Variants in TAFA5 observed in about 807,000 individuals in gnomAD.
TAFA5 encodes the protein TAFA chemokine like family member 5.
In TAFA5, 6 loss-of-function variants were observed where a neutral mutation model predicts 15.3. The ratio of observed to expected loss-of-function variants is 0.39; its 90% confidence interval spans 0.21 to 0.77. TAFA5 has a LOEUF of 0.77. Ranked by LOEUF, TAFA5 falls within the 30% of genes least tolerant of loss-of-function variation. The pLI is 0.41. For missense variants in TAFA5, 161 were observed against 193.1 expected (o/e 0.83, Z 0.98); for synonymous variants, 103 against 80.7 (o/e 1.28, Z -1.48).
chr22:48,669,120 G>A (rs879397084), intron 2 of TAFA5, among the ~76,000 whole-genome samples: 2 of 152,200 alleles, frequency 1.3e-5, no homozygotes, highest in Non-Finnish European at 2.9e-5. Flanking sequence ...CTGTGAACCA[G>A]GAAGCCCCCG....
intron 1 of TAFA5, among the ~76,000 whole-genome samples, chr22:48,575,292 C>T (rs1163755136): frequency 6.6e-6 from 1 of 151,498 alleles, no homozygotes; most frequent in Non-Finnish European, 1.5e-5. Flanking sequence ...CCCCACCTGA[C>T]CCGCCGGCGC....
chr22:48,667,795 GA>G (rs1157621966), intron 2 of TAFA5, among the ~76,000 whole-genome samples: 4 of 70,374 alleles, frequency 5.7e-5, no homozygotes, highest in African/African-American at 2.4e-4. Context: ...CAGCACTCAG[GA>G]CCGCGTCTTC....
chr22:48,706,304 T>TTCGGAACAGTGAGGACCCCGAGGAAC (rs1385300116), intron 2 of TAFA5, among the ~76,000 whole-genome samples: 1 of 152,192 alleles, frequency 6.6e-6, no homozygotes, highest in Non-Finnish European at 1.5e-5. Flanking sequence ...CAAGCCTCTA[T>TTCGGAACAGTGAGGACCCCGAGGAAC]TCGGAACAGT....
intron 1 of TAFA5, among the ~76,000 whole-genome samples, chr22:48,568,756 C>T (rs959825566): frequency 2.6e-5 from 4 of 152,200 alleles, no homozygotes; most frequent in Non-Finnish European, 5.9e-5. Flanking sequence ...CCACGAAGCC[C>T]ATTGCTTTTT....
chr22:48,530,253 G>A lies in TAFA5; in HGVS notation c.112+40549G>A, dbSNP rs1018722464. Among the ~76,000 whole-genome samples, 22 of 150,938 alleles carry A rather than the reference G, an allele frequency of 1.5e-4. No homozygotes were observed. Among genetic ancestry groups the A allele is most frequent in the African/African-American group, 4.8e-4 (20 of 41,330 alleles). On this transcript the variant is annotated intron_variant, in intron 1 of 3. Coordinates refer to ENST00000402357, the MANE Select transcript of TAFA5 (RefSeq NM_001082967.3). This position sits in a 1 kb window ranked among gnomAD's most constrained non-coding sequence, Gnocchi z 6.0. The stretch of plus-strand genomic sequence containing the variant: ...CCTCTGCTCCCCTCCTGTGACATCC[G>A]AGCATGGTCGTCTGACAAATGGGGC...
At chr22:48,559,334 A>G (rs1374005625) in intron 1 of TAFA5, among the ~76,000 whole-genome samples, 4 of 152,184 alleles carry the variant, frequency 2.6e-5, no homozygotes, top group Non-Finnish European at 5.9e-5. Context: ...CTGAGCCCTC[A>G]GCCATCACTG....
chr22:48,697,706 A>G (rs1406621229), intron 2 of TAFA5, among the ~76,000 whole-genome samples: 1 of 151,448 alleles, frequency 6.6e-6, no homozygotes, highest in Non-Finnish European at 1.5e-5. Flanking sequence ...ACAATTGATG[A>G]TGATGTTGGT....
At chr22:48,629,637 C>T (rs1172036912) in intron 1 of TAFA5, among the ~76,000 whole-genome samples, 9 of 152,330 alleles carry the variant, frequency 5.9e-5, no homozygotes, top group Middle Eastern at 3.4e-3. Flanking sequence ...GGTTTTGCCC[C>T]TCAGGGGACA....
intron 1 of TAFA5, among the ~76,000 whole-genome samples, chr22:48,582,688 C>T (rs1924112510): frequency 1.4e-5 from 2 of 145,522 alleles, no homozygotes; most frequent in Non-Finnish European, 3.0e-5. Context: ...ACGAAATACA[C>T]CACACACCAC....
At chr22:48,614,731 C>T (rs769386816) in intron 1 of TAFA5, among the ~76,000 whole-genome samples, 2 of 152,240 alleles carry the variant, frequency 1.3e-5, no homozygotes, top group Non-Finnish European at 2.9e-5. Flanking sequence ...CAAGCAAGTA[C>T]TGCCAGGGTG....
chr22:48,555,390 G>A (rs1038850523), intron 1 of TAFA5, among the ~76,000 whole-genome samples: 1 of 152,196 alleles, frequency 6.6e-6, no homozygotes, highest in African/African-American at 2.4e-5. Context: ...TGCTCAGACC[G>A]TGTCCTGCGA....
intron 1 of TAFA5, among the ~76,000 whole-genome samples, chr22:48,507,961 G>C (rs947690845): frequency 7.9e-5 from 12 of 152,176 alleles, no homozygotes; most frequent in Admixed American, 5.9e-4. Flanking sequence ...CCTCATCTGT[G>C]CAGTGGGGAG....
At chr22:48,694,812 ACCCGCCGCCGCTCCGACCTCCG>A (rs1928656267) in intron 2 of TAFA5, among the ~76,000 whole-genome samples, 3 of 31,516 alleles carry the variant, frequency 9.5e-5, no homozygotes, top group South Asian at 1.6e-3. Flanking sequence ...CTCCGCCCCC[ACCCGCCGCCGCTCCGACCTCCG>A]CCCCCACCCC....
chr22:48,745,429 G>A (rs1469021108), intron 3 of TAFA5, among the ~76,000 whole-genome samples: 1 of 148,796 alleles, frequency 6.7e-6, no homozygotes, highest in East Asian at 2.0e-4. Flanking sequence ...TCGGCGGCTG[G>A]CCTGCCCGGG....
intron 2 of TAFA5, among the ~76,000 whole-genome samples, chr22:48,648,235 G>A (rs1262946717): frequency 3.3e-5 from 5 of 152,182 alleles, no homozygotes; most frequent in Non-Finnish European, 7.4e-5. Context: ...CCCCATGGAT[G>A]GCAGGCCCCT....
intron 1 of TAFA5, among the ~76,000 whole-genome samples, chr22:48,562,587 G>T (rs1923274713): frequency 2.0e-5 from 3 of 152,128 alleles, no homozygotes; most frequent in South Asian, 4.1e-4. Flanking sequence ...AGGGAGGGAG[G>T]GGGGGAATTT....
chr22:48,538,600 C>T (rs1187262860), intron 1 of TAFA5, among the ~76,000 whole-genome samples: 1 of 152,222 alleles, frequency 6.6e-6, no homozygotes, highest in Admixed American at 6.5e-5. Context: ...TGTGCCTGCT[C>T]ATGGGTCTGC....
At chr22:48,587,335 C>T (rs916525415) in intron 1 of TAFA5, among the ~76,000 whole-genome samples, 3 of 152,180 alleles carry the variant, frequency 2.0e-5, no homozygotes, top group Non-Finnish European at 4.4e-5. Flanking sequence ...ACTTGCCCTT[C>T]TTTGCAGCTT....
chr22:48,633,539 C>CTCTCTCTCTCTCTCTCTCT lies in TAFA5; in HGVS notation c.113-13058_113-13057insTCTCTCTCTCTCTCTCTCT, dbSNP rs1569056626. 6.1e-4 allele frequency among the ~76,000 whole-genome samples: 79 copies of CTCTCTCTCTCTCTCTCTCT among 128,800 alleles called. 4 individuals are homozygous for CTCTCTCTCTCTCTCTCTCT. Among genetic ancestry groups the CTCTCTCTCTCTCTCTCTCT allele is most frequent in the Middle Eastern group, 4.7e-3 (1 of 212 alleles). 84.5% of individuals were successfully genotyped at this position (128,800 alleles called of 152,430 possible). On this transcript the variant is annotated intron_variant, in intron 1 of 3. Transcript: ENST00000402357. ...CTGTCTGTCTGTCTGTCTGTCTCTC[C>CTCTCTCTCTCTCTCTCTCT]CTCTCTCTCTCTCTCTCTCCATCTC...
Sources: allele counts gnomAD v4.1 joint callset (sites outside exome capture counted in the v4.1 genomes callset), GRCh38; gene constraint gnomAD v4.1.1; non-coding constraint Gnocchi (gnomAD v3.1); transcripts MANE v1.5; gene names NCBI Gene and HGNC (gene_info 2026-07-23, HGNC 2026-07-21).